LINC02747: variants seen among roughly 807,000 people sequenced by gnomAD.
LINC02747 encodes CCND1-upstream intergenic DNA repair 2.
chr11:69,478,168 G>A (rs1190386692), intron 1 of LINC02747, among the ~76,000 whole-genome samples: 1 of 152,208 alleles, frequency 6.6e-6, no homozygotes, highest in Non-Finnish European at 1.5e-5. Context: ...ATTGCTGGGG[G>A]ACCCCTTAGT....
At chr11:69,476,651 G>A (rs1055374079) in exon 2 of LINC02747, 3 of 152,120 alleles carry the variant, frequency 2.0e-5, no homozygotes, top group Non-Finnish European at 4.4e-5. Flanking sequence ...GGGGGTCGTG[G>A]GCCTGTCAGA....
exon 2 of LINC02747, chr11:69,475,797 C>G (rs940347270): frequency 6.6e-6 from 1 of 152,182 alleles, no homozygotes; most frequent in African/African-American, 2.4e-5. Flanking sequence ...CGGGGCCGCA[C>G]CCTCAGGACT....
chr11:69,480,008 C>T (rs1857034164), intron 1 of LINC02747: 1 of 152,288 alleles, frequency 6.6e-6, no homozygotes, highest in Non-Finnish European at 1.5e-5. Context: ...GGCGGGTGCT[C>T]AGTAAACATT....
At chr11:69,479,057 C>T (rs1321631796) in intron 1 of LINC02747, among the ~76,000 whole-genome samples, 3 of 151,966 alleles carry the variant, frequency 2.0e-5, no homozygotes, top group African/African-American at 7.3e-5. Context: ...GAGTTCGAGA[C>T]TAGCCTGGCC....
In LINC02747 at chr11:69,476,504, T is replaced by G. The variant is rs182164439; in HGVS notation, n.1230A>C. 2.6e-5 allele frequency: 4 copies of G among 151,886 alleles called. No individual in the cohort carries two copies. The East Asian group carries it at 7.9e-4, about 30-fold the overall frequency. 9.4% of individuals were successfully genotyped at this position (151,886 alleles called of 1,614,324 possible). Reference sequence around the variant, plus strand: ...TCCCGAGAACCCGATCACAGGCCCATCCAAGTGGGGGTCTGGCTGTGACCC... The same window carrying G: ...TCCCGAGAACCCGATCACAGGCCCAGCCAAGTGGGGGTCTGGCTGTGACCC... On this transcript the variant is annotated non_coding_transcript_exon_variant, in exon 2 of 2. Transcript: ENST00000645449.
chr11:69,478,146 G>A (rs1380071153), intron 1 of LINC02747, among the ~76,000 whole-genome samples: 2 of 152,316 alleles, frequency 1.3e-5, no homozygotes, highest in African/African-American at 2.4e-5. Flanking sequence ...CAGACCGGGG[G>A]TGAGGCAGGA....
At chr11:69,475,702 T>G (rs1590865601) in exon 2 of LINC02747, 1 of 152,092 alleles carries the variant, frequency 6.6e-6, no homozygotes, top group South Asian at 2.1e-4. Context: ...CAGGTGGCCG[T>G]CTTCTTGTGG....
At chr11:69,478,048 T>G (rs1776999147) in intron 1 of LINC02747, among the ~76,000 whole-genome samples, 1 of 152,072 alleles carries the variant, frequency 6.6e-6, no homozygotes, top group Admixed American at 6.5e-5. Context: ...ACAAAATGGG[T>G]GCAAGTTCTT....
chr11:69,479,238 A>AG, intron 1 of LINC02747, among the ~76,000 whole-genome samples: 1 of 144,838 alleles, frequency 6.9e-6, no homozygotes. Flanking sequence ...CTGGGTGACA[A>AG]AGTGAGACTC....
intron 1 of LINC02747, among the ~76,000 whole-genome samples, chr11:69,480,769 G>A (rs563439452): frequency 2.0e-5 from 3 of 152,348 alleles, no homozygotes; most frequent in East Asian, 3.9e-4. Context: ...ATGGAATGCC[G>A]GCAGGGTCCC....
chr11:69,478,673 A>G (rs1036170229), intron 1 of LINC02747, among the ~76,000 whole-genome samples: 1 of 151,734 alleles, frequency 6.6e-6, no homozygotes, highest in African/African-American at 2.4e-5. Flanking sequence ...GTTTCTACCA[A>G]AAAACACAAA....
chr11:69,479,195 C>T (rs1207741422), intron 1 of LINC02747, among the ~76,000 whole-genome samples: 6 of 134,518 alleles, frequency 4.5e-5, no homozygotes, highest in Non-Finnish European at 7.6e-5. Context: ...GCGGAGGTTG[C>T]AGTGAGCCAA....
intron 1 of LINC02747, among the ~76,000 whole-genome samples, chr11:69,481,108 C>CAGCTA (rs1857044255): frequency 6.6e-6 from 1 of 152,260 alleles, no homozygotes; most frequent in South Asian, 2.1e-4. Context: ...AAGCCCAGGA[C>CAGCTA]CAGCTTCCCT....
chr11:69,481,245 C>T (rs1284105193), intron 1 of LINC02747, among the ~76,000 whole-genome samples: 1 of 152,186 alleles, frequency 6.6e-6, no homozygotes, highest in Non-Finnish European at 1.5e-5. Flanking sequence ...CATACTCTGC[C>T]ACCATTAGAA....
At position 69,478,385 on chromosome 11, in the gene LINC02747, C is replaced by T. The variant is rs534517684; in HGVS notation, n.121-772G>A. Among the ~76,000 whole-genome samples the T allele has an allele frequency of 7.2e-5, 11 of 152,262 alleles. No homozygotes were observed. In the South Asian group the frequency reaches 2.3e-3, roughly 32 times the overall value. On this transcript the variant is annotated intron_variant and non_coding_transcript_variant, in intron 1 of 1. Coordinates refer to ENST00000645449, the Ensembl canonical transcript of LINC02747. ...AGGACTTGCACCCCCGCCTCCACCCCTGTGCTGAGCCCAAGCCTCTGCAAG... is the reference window on the plus strand; with the variant it reads ...AGGACTTGCACCCCCGCCTCCACCCTTGTGCTGAGCCCAAGCCTCTGCAAG...
rs74349083 is a variant in LINC02747, at chr11:69,477,946, C to T, written n.121-333G>A. On this transcript the variant is annotated intron_variant and non_coding_transcript_variant, in intron 1 of 1. Coordinates refer to ENST00000645449, the Ensembl canonical transcript of LINC02747. ...ACCATGTGCAGGGCCCTTCTGAGCC[C>T]GTGGCCCCTGTGGTGGGGATGGGGC... Among the ~76,000 whole-genome samples, 49 of 152,276 alleles carry T rather than the reference C, an allele frequency of 3.2e-4. No homozygotes were observed. In the East Asian group the frequency reaches 9.5e-3, roughly 29 times the overall value.
chr11:69,476,214 C>T (rs1405543157), exon 2 of LINC02747: 2 of 152,238 alleles, frequency 1.3e-5, no homozygotes, highest in Non-Finnish European at 2.9e-5. Context: ...TGCCACGGCC[C>T]TAACCTGCAA....
exon 2 of LINC02747, chr11:69,476,269 C>A (rs1033645847): frequency 6.6e-6 from 1 of 152,288 alleles, no homozygotes; most frequent in African/African-American, 2.4e-5. Flanking sequence ...AAACGCTTCC[C>A]GGCTCCCCTT....
chr11:69,478,341 G>A (rs934875443), intron 1 of LINC02747, among the ~76,000 whole-genome samples: 7 of 152,064 alleles, frequency 4.6e-5, no homozygotes, highest in Admixed American at 2.6e-4. Context: ...GAGAGGGATC[G>A]GAGTCCCCAC....
Sources: gnomAD v4.1 joint callset for allele counts (sites outside exome capture counted in the v4.1 genomes callset) on GRCh38, gnomAD v4.1.1 for gene constraint, MANE v1.5 for transcripts, NCBI Gene and HGNC (gene_info 2026-07-23, HGNC 2026-07-21) for gene names.